TXNDC5: variants seen among roughly 807,000 people sequenced by gnomAD.
The protein encoded by TXNDC5 is thioredoxin domain containing 5, also known as thioredoxin domain-containing protein 5.
Under a neutral mutation model 52.6 loss-of-function variants are expected in TXNDC5, and 44 were observed. That is an observed-to-expected ratio of 0.84 (90% CI 0.66 to 1.08). The LOEUF (loss-of-function observed/expected upper bound fraction) is 1.08, where lower values mean the gene tolerates loss of function less well. Ranked by LOEUF, TXNDC5 falls within the 50% of genes least tolerant of loss-of-function variation. The pLI is 0.00. For missense variants in TXNDC5, 600 were observed against 565.5 expected, an observed-to-expected ratio of 1.06 and a Z score of -0.62; for synonymous variants, 241 against 234.4, an observed-to-expected ratio of 1.03 and a Z score of -0.26.
At chr6:7,903,648 TTTA>T (rs1168387208) in intron 2 of TXNDC5, among the ~76,000 whole-genome samples, 2 of 152,370 alleles carry the variant, frequency 1.3e-5, no homozygotes, top group South Asian at 2.1e-4. Context: ...AATTTTTTGC[TTTA>T]TTGATGGACC....
Position 7,899,615 on chromosome 6 carries a change from C to T in TXNDC5, c.480G>A (p.Leu160=). The T allele has an allele frequency of 6.2e-7, 1 of 1,614,134 alleles. No individual in the cohort carries two copies. Among genetic ancestry groups the T allele is most frequent in the Middle Eastern group, 1.7e-4 (1 of 6,060 alleles). ...TCAGTGTCTGCAGCATCCAGTTTTC[C>T]AGTGTCTGGAAGTCCCGAGGACCCT... ...KYQGPRDFQT[L]ENWMLQTLNE... is the part of the protein sequence containing the mutation. Residue 160 remains leucine, a synonymous_variant, in exon 3 of 10, where the codon CTG becomes CTA. Transcript: ENST00000379757.
At chr6:7,886,227 C>A (rs1759978204) in intron 7 of TXNDC5, among the ~76,000 whole-genome samples, 184 bp from the exon 8 acceptor site, 1 of 152,176 alleles carries the variant, frequency 6.6e-6, no homozygotes, top group Non-Finnish European at 1.5e-5. Flanking sequence ...AGGCTGGCAG[C>A]CTCTGAAGGG....
At chr6:7,898,880 T>C (rs1467087294) in intron 3 of TXNDC5, among the ~76,000 whole-genome samples, 1 of 152,106 alleles carries the variant, frequency 6.6e-6, no homozygotes, top group Non-Finnish European at 1.5e-5. Flanking sequence ...TCTCCTGATA[T>C]TAGCCTTAGT....
chr6:7,910,463 G>A (rs1469479436), intron 1 of TXNDC5, 51 bp downstream of exon 1: 7 of 1,350,404 alleles, frequency 5.2e-6, no homozygotes, highest in Non-Finnish European at 6.7e-6. Context: ...AGCGCCCCAC[G>A]CCCCGCGAAG....
At chr6:7,910,252 G>C (rs1760872448) in intron 1 of TXNDC5, among the ~76,000 whole-genome samples, 1 of 150,956 alleles carries the variant, frequency 6.6e-6, no homozygotes, top group African/African-American at 2.4e-5. Flanking sequence ...CCGGCTCCCG[G>C]CCCCGAGCCG....
chr6:7,884,598 G>A (rs758297918), intron 8 of TXNDC5, 110 bp from the exon 9 acceptor site: 5 of 1,464,166 alleles, frequency 3.4e-6, no homozygotes, highest in Non-Finnish European at 3.7e-6. Context: ...GTCAACAATT[G>A]CCTAGAAATT....
intron 3 of TXNDC5, among the ~76,000 whole-genome samples, chr6:7,896,720 C>G (rs1350145848): frequency 6.6e-6 from 1 of 152,208 alleles, no homozygotes; most frequent in Non-Finnish European, 1.5e-5. Context: ...GTGTGCCACT[C>G]TCCATGAGAT....
chr6:7,907,323 C>T (rs1212053680), intron 1 of TXNDC5, among the ~76,000 whole-genome samples: 1 of 152,136 alleles, frequency 6.6e-6, no homozygotes, highest in African/African-American at 2.4e-5. Flanking sequence ...GCTATCTAGT[C>T]GGCCCTGCGG....
rs1561802450 is a variant in TXNDC5, at chr6:7,881,919, CCT to C, written c.*1223_*1224del. 5.3e-5 allele frequency: 8 copies of C among 152,224 alleles called. No individual in the cohort carries two copies. The highest frequency in any genetic ancestry group is 9.7e-5 in the African/African-American group (4 of 41,220). 9.4% of individuals were successfully genotyped at this position (152,224 alleles called of 1,614,324 possible). A position where few individuals can be genotyped will look rare whatever the true frequency, so the allele number is the denominator to read the frequency against. ...TAGCTCGATGGTAAAAGGACAAACA[CCT>C]ATCTATCTTAGAGCTTAAGCCTGTA... is the stretch of plus-strand genomic sequence containing the variant. On this transcript the variant is annotated 3_prime_UTR_variant, in exon 10 of 10. Coordinates refer to ENST00000379757, the MANE Select transcript of TXNDC5 (RefSeq NM_030810.5).
At chr6:7,900,449 A>C (rs1760525674) in intron 2 of TXNDC5, among the ~76,000 whole-genome samples, 1 of 152,214 alleles carries the variant, frequency 6.6e-6, no homozygotes, top group Non-Finnish European at 1.5e-5. Flanking sequence ...CAATAGAAGA[A>C]AAAAGAAATA....
At chr6:7,887,586 G>A (rs1225941) in intron 7 of TXNDC5, among the ~76,000 whole-genome samples, 1 of 151,798 alleles carries the variant, frequency 6.6e-6, no homozygotes, top group Non-Finnish European at 1.5e-5. Context: ...ATGAGGGAAC[G>A]CATCATCTTT....
At chr6:7,892,605 G>C (rs552726403) in intron 4 of TXNDC5, among the ~76,000 whole-genome samples, 19 of 152,336 alleles carry the variant, frequency 1.2e-4, no homozygotes, top group African/African-American at 4.6e-4. Context: ...ACTGAGTCAC[G>C]GGGACAGGTC....
rs200689151 is a variant in TXNDC5 at position 7,881,632 on chromosome 6, G to C, written c.*1512C>G. The stretch of plus-strand genomic sequence containing the variant: ...TGCAAAGCTGAAGTTGTGTGTACAA[G>C]ACTCTTGACAGTTGTGCTTCTCTAG... On this transcript the variant is annotated 3_prime_UTR_variant, in exon 10 of 10. Transcript: ENST00000379757. The C allele has an allele frequency of 0.21, 31,736 of 152,038 alleles. 4,817 individuals carry two copies. The highest frequency in any genetic ancestry group is 0.44 in the African/African-American group (18,090 of 41,376). 9.4% of individuals were successfully genotyped at this position (152,038 alleles called of 1,614,324 possible).
At chr6:7,909,996 C>T in intron 1 of TXNDC5, 2 of 986,282 alleles carry the variant, frequency 2.0e-6, no homozygotes, top group Non-Finnish European at 2.4e-6. Context: ...CGCGGGGTGA[C>T]ATTTGGACTC....
chr6:7,884,888 T>TATGGTCTC lies in TXNDC5; in HGVS notation c.1047-408_1047-401dup, dbSNP rs370462871. 2.1e-3 allele frequency among the ~76,000 whole-genome samples: 326 copies of TATGGTCTC among 152,316 alleles called. 3 individuals are homozygous for TATGGTCTC. The highest frequency in any genetic ancestry group is 7.5e-3 in the African/African-American group (311 of 41,580). Reference sequence around the variant, plus strand: ...CAAAGACATTTTAGATTTGATTGCTTATGGTCTCACAATTTCAAAACCATT... The same window carrying TATGGTCTC: ...CAAAGACATTTTAGATTTGATTGCTTATGGTCTCATGGTCTCACAATTTCAAAACCATT... On this transcript the variant is annotated intron_variant, in intron 8 of 9. Transcript: ENST00000379757.
chr6:7,888,157 T>C (rs1386311978), intron 7 of TXNDC5, among the ~76,000 whole-genome samples: 2 of 152,168 alleles, frequency 1.3e-5, no homozygotes, highest in African/African-American at 4.8e-5. Flanking sequence ...AACAAATGAA[T>C]CTGAAACCTC....
chr6:7,901,489 A>T (rs760525282), intron 2 of TXNDC5, among the ~76,000 whole-genome samples: 85 of 151,960 alleles, frequency 5.6e-4, no homozygotes, highest in Middle Eastern at 6.8e-3. Flanking sequence ...CAAATAATTT[A>T]AAAAAAACCA....
intron 1 of TXNDC5, among the ~76,000 whole-genome samples, chr6:7,905,171 G>A (rs1279198663): frequency 6.6e-6 from 1 of 152,174 alleles, no homozygotes; most frequent in African/African-American, 2.4e-5. Context: ...CTGCCCTTCA[G>A]GTTTAGTTTG....
intron 9 of TXNDC5, among the ~76,000 whole-genome samples, chr6:7,883,873 G>T (rs1403557342): frequency 6.6e-6 from 1 of 152,214 alleles, no homozygotes; most frequent in Non-Finnish European, 1.5e-5. Flanking sequence ...AGCTTGGAAT[G>T]AAGGCAGTAG....
Sources: allele counts gnomAD v4.1 joint callset (sites outside exome capture counted in the v4.1 genomes callset), GRCh38; gene constraint gnomAD v4.1.1; transcripts MANE v1.5; gene names NCBI Gene and HGNC (gene_info 2026-07-23, HGNC 2026-07-21).